Variants in CFAP77 observed in about 807,000 individuals in gnomAD.
CFAP77 encodes cilia and flagella associated protein 77.
A neutral mutation model predicts 31.1 loss-of-function variants in CFAP77; 25 were observed. That is an observed-to-expected ratio of 0.80 (90% CI 0.59 to 1.12). CFAP77 has a LOEUF of 1.12. Ranked by LOEUF, CFAP77 falls within the 50% of genes most tolerant of loss-of-function variation. The pLI, the probability that CFAP77 is intolerant of heterozygous loss-of-function variation, is 0.00. For missense variants in CFAP77, 377 were observed against 397.3 expected, an observed-to-expected ratio of 0.95 and a Z score of 0.44; for synonymous variants, 151 against 159.9, an observed-to-expected ratio of 0.94 and a Z score of 0.42.
intron 5 of CFAP77, among the ~76,000 whole-genome samples, chr9:132,551,376 G>A (rs1279444506): frequency 6.6e-6 from 1 of 151,692 alleles, no homozygotes; most frequent in Non-Finnish European, 1.5e-5. Context: ...TTGGCTCACT[G>A]CATCCACCTC....
At chr9:132,441,718 T>C (rs1448821947) in intron 1 of CFAP77, among the ~76,000 whole-genome samples, 1 of 152,090 alleles carries the variant, frequency 6.6e-6, no homozygotes, top group African/African-American at 2.4e-5. Flanking sequence ...AGCAGTGAGT[T>C]CTGGGGAGAC....
At chr9:132,571,056 A>G (rs922887710) in intron 5 of CFAP77, among the ~76,000 whole-genome samples, 2 of 151,006 alleles carry the variant, frequency 1.3e-5, no homozygotes, top group African/African-American at 4.9e-5. Flanking sequence ...CTCTCCCCAC[A>G]TTTTTCTTCT....
Position 132,464,958 on chromosome 9 carries a change from C to T in CFAP77, c.196-33737C>T, listed in dbSNP as rs1026746978. ...TGCTGGTGCATGCCTATAATAATCC[C>T]AGCTACTCGGGAGGTTGAGGCAGGA... On this transcript the variant is annotated intron_variant, in intron 1 of 5. Transcript: ENST00000393216. 4.6e-5 allele frequency among the ~76,000 whole-genome samples: 7 copies of T among 151,644 alleles called. No individual in the cohort carries two copies. The South Asian group carries it at 1.5e-3, about 32-fold the overall frequency.
chr9:132,445,264 G>A (rs1173993107), intron 1 of CFAP77, among the ~76,000 whole-genome samples: 2 of 152,138 alleles, frequency 1.3e-5, no homozygotes, highest in Non-Finnish European at 2.9e-5. Context: ...GTGAGCCACT[G>A]TGCCTGGCCT....
intron 3 of CFAP77, among the ~76,000 whole-genome samples, chr9:132,510,527 G>A (rs1310381720): frequency 6.6e-6 from 1 of 152,198 alleles, no homozygotes; most frequent in Non-Finnish European, 1.5e-5. Context: ...GAAGAACCAG[G>A]CATCAAGCCC....
intron 1 of CFAP77, among the ~76,000 whole-genome samples, chr9:132,466,862 C>T (rs1253988076): frequency 6.6e-6 from 1 of 152,172 alleles, no homozygotes; most frequent in Non-Finnish European, 1.5e-5. Context: ...GGGCTGGGAA[C>T]AGCCTTTGTT....
chr9:132,471,586 G>T (rs1352902223), intron 1 of CFAP77, among the ~76,000 whole-genome samples: 1 of 152,128 alleles, frequency 6.6e-6, no homozygotes, highest in African/African-American at 2.4e-5. Context: ...AACATAATCA[G>T]GTAGGTTGGT....
At chr9:132,475,265 AAGGGC>A (rs1851331294) in intron 1 of CFAP77, among the ~76,000 whole-genome samples, 3 of 152,212 alleles carry the variant, frequency 2.0e-5, no homozygotes, top group Admixed American at 2.0e-4. Flanking sequence ...ATATTCTGAA[AAGGGC>A]AGTTGGATTC....
chr9:132,536,098 C>G (rs1011688872), intron 3 of CFAP77, among the ~76,000 whole-genome samples: 6 of 151,922 alleles, frequency 3.9e-5, no homozygotes, highest in African/African-American at 1.5e-4. Context: ...AGATATCTAT[C>G]TTATATATAT....
intron 3 of CFAP77, among the ~76,000 whole-genome samples, chr9:132,530,032 G>A (rs1243030405): frequency 6.6e-6 from 1 of 151,588 alleles, no homozygotes; most frequent in Non-Finnish European, 1.5e-5. Context: ...TTTCTCTAAT[G>A]GCTACAGATG....
At chr9:132,427,376 A>G (rs544108261) in intron 1 of CFAP77, among the ~76,000 whole-genome samples, 21 of 151,964 alleles carry the variant, frequency 1.4e-4, no homozygotes, top group East Asian at 3.9e-4. Flanking sequence ...CACCCACTCC[A>G]CTAAGACTTC....
intron 1 of CFAP77, among the ~76,000 whole-genome samples, chr9:132,483,185 C>T (rs1441625673): frequency 2.6e-5 from 4 of 152,030 alleles, no homozygotes; most frequent in Admixed American, 6.6e-5. Flanking sequence ...GCAGGACAAT[C>T]GCTTGAACCC....
chr9:132,537,360 C>T (rs1852560377), intron 3 of CFAP77, among the ~76,000 whole-genome samples: 1 of 152,104 alleles, frequency 6.6e-6, no homozygotes, highest in Non-Finnish European at 1.5e-5. Context: ...CTCAGAGGAC[C>T]AGACCTCTAA....
rs1829877410 is a variant in CFAP77, at chr9:132,565,744, C to T, written c.733-6644C>T. On this transcript the variant is annotated intron_variant, in intron 5 of 5. Transcript: ENST00000393216. This position sits in a 1 kb window ranked among gnomAD's most constrained non-coding sequence, Gnocchi z 4.1. ...CTGGGTCCATGTGGGCTCTGCCTTC[C>T]TGGCAGGTGTGTTTCCAGGGCACTG... Among the ~76,000 whole-genome samples, 1 of 151,660 alleles carries T rather than the reference C, an allele frequency of 6.6e-6. No homozygotes were observed. Among genetic ancestry groups the T allele is most frequent in the South Asian group, 2.1e-4 (1 of 4,824 alleles).
At chr9:132,439,780 C>T (rs998049137) in intron 1 of CFAP77, among the ~76,000 whole-genome samples, 14 of 142,564 alleles carry the variant, frequency 9.8e-5, no homozygotes, top group Middle Eastern at 3.8e-3. Flanking sequence ...ACCCGGGAGG[C>T]GGAGCTTGTA....
At chr9:132,472,127 T>C (rs1851270847) in intron 1 of CFAP77, among the ~76,000 whole-genome samples, 1 of 152,166 alleles carries the variant, frequency 6.6e-6, no homozygotes, top group Admixed American at 6.5e-5. Context: ...CCACATGTTT[T>C]CTCCTTTCTG....
intron 3 of CFAP77, among the ~76,000 whole-genome samples, chr9:132,518,045 C>T (rs765925194): frequency 6.6e-6 from 1 of 152,086 alleles, no homozygotes; most frequent in Non-Finnish European, 1.5e-5. Flanking sequence ...GGGGTTCCTG[C>T]CAGGTTATCA....
At chr9:132,514,335 A>G (rs1446832765) in intron 3 of CFAP77, among the ~76,000 whole-genome samples, 1 of 152,196 alleles carries the variant, frequency 6.6e-6, no homozygotes, top group African/African-American at 2.4e-5. Flanking sequence ...ATGGGTATCA[A>G]TGATCACCTT....
chr9:132,468,340 G>A (rs552384506), intron 1 of CFAP77, among the ~76,000 whole-genome samples: 9 of 152,216 alleles, frequency 5.9e-5, no homozygotes, highest in East Asian at 3.9e-4. Context: ...GTGAGACTCC[G>A]TCTCAAAAAA....
Sources: allele counts gnomAD v4.1 joint callset (sites outside exome capture counted in the v4.1 genomes callset), GRCh38; gene constraint gnomAD v4.1.1; non-coding constraint Gnocchi (gnomAD v3.1); transcripts MANE v1.5; gene names NCBI Gene and HGNC (gene_info 2026-07-23, HGNC 2026-07-21).